The following DOCK5 variants were observed in gnomAD, a reference collection of about 807,000 sequenced individuals.
DOCK5 encodes dedicator of cytokinesis protein 5.
DOCK5 carries 142 observed loss-of-function variants against 251.8 expected under a neutral mutation model. The ratio of observed to expected loss-of-function variants is 0.56; its 90% CI spans 0.49 to 0.65. The LOEUF (loss-of-function observed/expected upper bound fraction) is 0.65. Among genes scored for constraint, DOCK5 ranks in the 30% least tolerant of loss-of-function variants. DOCK5 has a pLI of 0.00. For synonymous variants in DOCK5, 842 were observed against 835.5 expected, an observed-to-expected ratio of 1.01 and a Z score of -0.13; for missense variants, 2,111 against 2,312.3, an observed-to-expected ratio of 0.91 and a Z score of 1.79.
At chr8:25,203,446 C>A (rs552381355) in intron 1 of DOCK5, among the ~76,000 whole-genome samples, 17 of 152,300 alleles carry the variant, frequency 1.1e-4, no homozygotes, top group African/African-American at 4.1e-4. Context: ...CAGAAGAATT[C>A]TTTTCATGTT....
chr8:25,313,699 G>GTC (rs895286036), intron 13 of DOCK5, among the ~76,000 whole-genome samples: 6 of 152,056 alleles, frequency 3.9e-5, no homozygotes, highest in African/African-American at 1.4e-4. Flanking sequence ...TGTGAGGCCT[G>GTC]TCTCCTTGGC....
chr8:25,410,537 C>G (rs1563235768), intron 51 of DOCK5, among the ~76,000 whole-genome samples: 1 of 152,082 alleles, frequency 6.6e-6, no homozygotes, highest in African/African-American at 2.4e-5. Flanking sequence ...TCATAGCTCA[C>G]TGCAGCCTCA....
intron 4 of DOCK5, among the ~76,000 whole-genome samples, chr8:25,276,255 CT>C (rs1804041460): frequency 6.6e-6 from 1 of 152,192 alleles, no homozygotes; most frequent in African/African-American, 2.4e-5. Context: ...GGGAAACAAT[CT>C]GACCCTACTT....
At chr8:25,337,229 C>G (rs1805834012) in intron 22 of DOCK5, among the ~76,000 whole-genome samples, 1 of 152,018 alleles carries the variant, frequency 6.6e-6, no homozygotes, top group Admixed American at 6.6e-5. Context: ...AATTTTGATA[C>G]AGACGCACAC....
At chr8:25,319,783 A>C in intron 15 of DOCK5, 107 bp downstream of exon 15, 1 of 755,904 alleles carries the variant, frequency 1.3e-6, no homozygotes, top group Non-Finnish European at 2.1e-6. Context: ...ATTTTTAGAT[A>C]AGTTGCCTAT....
intron 18 of DOCK5, among the ~76,000 whole-genome samples, chr8:25,329,024 A>G (rs1450079966): frequency 6.6e-6 from 1 of 152,202 alleles, no homozygotes; most frequent in Non-Finnish European, 1.5e-5. Flanking sequence ...ATCGTTTTGC[A>G]GTTACAGAGT....
intron 48 of DOCK5, 25 bp downstream of exon 48, chr8:25,403,749 A>C: frequency 6.2e-7 from 1 of 1,612,162 alleles, no homozygotes; most frequent in Non-Finnish European, 8.5e-7. Context: ...TTTAATCTGC[A>C]GGAAGGGTGG....
At position 25,190,776 on chromosome 8, in the gene DOCK5, G is replaced by A. The variant is rs6988403; in HGVS notation, c.43+5825G>A. On this transcript the variant is annotated intron_variant, in intron 1 of 51. Transcript: ENST00000276440. ...AGGCCTGGCCTTAACTTGGTCATGG[G>A]TTTTTTTTTTTTTTTTTTTTTTTTT... Among the ~76,000 whole-genome samples, 61 of 63,414 alleles carry A rather than the reference G, an allele frequency of 9.6e-4. 1 individual carries two copies. Among genetic ancestry groups the A allele is most frequent in the Admixed American group, 1.2e-3 (4 of 3,440 alleles). 41.6% of individuals were successfully genotyped at this position (63,414 alleles called of 152,430 possible). A position where few individuals can be genotyped will look rare whatever the true frequency, so the allele number is the denominator to read the frequency against.
intron 5 of DOCK5, among the ~76,000 whole-genome samples, chr8:25,283,710 A>G (rs1804264844): frequency 6.6e-6 from 1 of 152,112 alleles, no homozygotes; most frequent in Non-Finnish European, 1.5e-5. Flanking sequence ...TGGAACAATT[A>G]TCTTAGGCAA....
intron 16 of DOCK5, among the ~76,000 whole-genome samples, chr8:25,323,113 G>C (rs1414027792): frequency 3.3e-5 from 5 of 152,164 alleles, no homozygotes; most frequent in African/African-American, 1.2e-4. Flanking sequence ...CTGAAGCAGG[G>C]GACCCGGTGA....
At chr8:25,395,845 C>A in intron 45 of DOCK5, 126 bp downstream of exon 45, 1 of 1,161,396 alleles carries the variant, frequency 8.6e-7, no homozygotes, top group Non-Finnish European at 1.3e-6. Context: ...ACTTTCCCTT[C>A]TGGCAAGTGA....
chr8:25,244,324 T>G (rs1803038621), intron 2 of DOCK5, among the ~76,000 whole-genome samples: 1 of 152,212 alleles, frequency 6.6e-6, no homozygotes, highest in African/African-American at 2.4e-5. Flanking sequence ...GACTGCCTAT[T>G]TGTCTGCCAA....
At chr8:25,311,847 G>A (rs1356214127) in intron 13 of DOCK5, among the ~76,000 whole-genome samples, 1 of 151,522 alleles carries the variant, frequency 6.6e-6, no homozygotes, top group Non-Finnish European at 1.5e-5. Flanking sequence ...GCTTGAGCCT[G>A]AGAGGCAGAG....
chr8:25,371,721 A>G (rs1368526060), intron 34 of DOCK5, among the ~76,000 whole-genome samples: 1 of 152,208 alleles, frequency 6.6e-6, no homozygotes, highest in Non-Finnish European at 1.5e-5. Context: ...ACTTTTTTAA[A>G]TCCTACAGCT....
At chr8:25,330,443 T>C (rs757508409) in intron 18 of DOCK5, among the ~76,000 whole-genome samples, 15 of 152,126 alleles carry the variant, frequency 9.9e-5, no homozygotes, top group Non-Finnish European at 1.6e-4. Context: ...TACATAGTAT[T>C]TCTGGGTATT....
chr8:25,364,982 A>G (rs1800751289), intron 30 of DOCK5, among the ~76,000 whole-genome samples: 1 of 152,258 alleles, frequency 6.6e-6, no homozygotes, highest in African/African-American at 2.4e-5. Flanking sequence ...CCTTGTCGCT[A>G]TAAACATTTG....
chr8:25,240,425 C>A (rs371145714), intron 1 of DOCK5, among the ~76,000 whole-genome samples: 3 of 152,086 alleles, frequency 2.0e-5, no homozygotes, highest in Admixed American at 1.3e-4. Context: ...TTTCATCTCC[C>A]CAAGAAGCTC....
intron 1 of DOCK5, among the ~76,000 whole-genome samples, chr8:25,235,612 A>G (rs1802776310): frequency 6.6e-6 from 1 of 152,060 alleles, no homozygotes; most frequent in Admixed American, 6.6e-5. Flanking sequence ...TAAGCATTTC[A>G]TATAAATTTA....
chr8:25,353,613 T>C (rs980993667), intron 27 of DOCK5, among the ~76,000 whole-genome samples: 1 of 152,184 alleles, frequency 6.6e-6, no homozygotes, highest in African/African-American at 2.4e-5. Flanking sequence ...ACCTAAAATC[T>C]ATCAATTACT....
Sources: gnomAD v4.1 joint callset for allele counts (sites outside exome capture counted in the v4.1 genomes callset) on GRCh38, gnomAD v4.1.1 for gene constraint, MANE v1.5 for transcripts, NCBI Gene and HGNC (gene_info 2026-07-23, HGNC 2026-07-21) for gene names.